Variants in LMNB1 observed in about 807,000 individuals in gnomAD.
LMNB1 encodes the protein lamin B1, also known as lamin-B1.
A neutral mutation model predicts 67.1 loss-of-function variants in LMNB1; 23 were observed. The ratio of observed to expected loss-of-function variants is 0.34; its 90% confidence interval spans 0.25 to 0.49. The LOEUF (loss-of-function observed/expected upper bound fraction) is 0.49. Among genes scored for constraint, LMNB1 ranks in the 20% least tolerant of loss-of-function variants. LMNB1 has a pLI of 0.99. For synonymous variants in LMNB1, 281 were observed against 282.9 expected, an observed-to-expected ratio of 0.99 and a Z score of 0.07; for missense variants, 634 against 746.5, an observed-to-expected ratio of 0.85 and a Z score of 1.76.
intron 1 of LMNB1, among the ~76,000 whole-genome samples, chr5:126,796,786 C>CTTTTTTTTTT (rs34534973): frequency 7.6e-5 from 9 of 118,744 alleles, no homozygotes; most frequent in Non-Finnish European, 1.2e-4. Context: ...TTTTTTCTTT[C>CTTTTTTTTTT]TTTTTTTTTT....
intron 5 of LMNB1, among the ~76,000 whole-genome samples, chr5:126,817,196 A>G (rs1373021959): frequency 6.6e-6 from 1 of 152,216 alleles, no homozygotes; most frequent in African/African-American, 2.4e-5. Context: ...ATATTTGGCC[A>G]CTGGGAGTTC....
chr5:126,819,288 T>A, intron 6 of LMNB1, 146 bp downstream of exon 6: 1 of 583,600 alleles, frequency 1.7e-6, no homozygotes, highest in Non-Finnish European at 3.0e-6. Context: ...TAGTAATAGA[T>A]CATATTTCTA....
At chr5:126,779,446 C>T (rs1444690210) in intron 1 of LMNB1, among the ~76,000 whole-genome samples, 1 of 152,142 alleles carries the variant, frequency 6.6e-6, no homozygotes, top group African/African-American at 2.4e-5. Flanking sequence ...TTTCTATGTT[C>T]CTCCAAATTT....
intron 2 of LMNB1, among the ~76,000 whole-genome samples, chr5:126,805,266 A>G (rs1751388257): frequency 2.0e-5 from 3 of 152,222 alleles, no homozygotes; most frequent in African/African-American, 7.2e-5. Context: ...CTCTCCACAC[A>G]GGAAAAAATG....
chr5:126,816,349 G>A (rs865829095), intron 5 of LMNB1, among the ~76,000 whole-genome samples: 4 of 152,076 alleles, frequency 2.6e-5, no homozygotes, highest in South Asian at 4.2e-4. Context: ...TTGTGTGTGC[G>A]TGTGAACCAG....
chr5:126,777,447 C>T lies in LMNB1; in HGVS notation c.-62C>T, dbSNP rs1426241876. The T allele has an allele frequency of 3.9e-6, 5 of 1,268,564 alleles. No individual in the cohort carries two copies. The highest frequency in any genetic ancestry group is 4.0e-6 in the Non-Finnish European group (4 of 1,010,332). The allele number at this position is 1,268,564 out of a possible 1,614,324, so 78.6% of individuals were successfully genotyped here. A position where few individuals can be genotyped will look rare whatever the true frequency, so the allele number is the denominator to read the frequency against. On this transcript the variant is annotated 5_prime_UTR_variant, in exon 1 of 11. Coordinates refer to ENST00000261366, the MANE Select transcript of LMNB1 (RefSeq NM_005573.4). ...CTTCGGTCCCCGCTTCGCCCCCTGC[C>T]GTCCCCTCCTTATCACGGTCCCGCT...
At chr5:126,813,608 G>A (rs1490080649) in intron 5 of LMNB1, among the ~76,000 whole-genome samples, 4 of 152,174 alleles carry the variant, frequency 2.6e-5, no homozygotes, top group African/African-American at 7.2e-5. Flanking sequence ...AGGCTGGGAA[G>A]TCCAAGATCA....
At chr5:126,783,725 T>C (rs1264840546) in intron 1 of LMNB1, among the ~76,000 whole-genome samples, 3 of 152,170 alleles carry the variant, frequency 2.0e-5, no homozygotes, top group African/African-American at 7.2e-5. Context: ...GTGGGTCTTT[T>C]CTTTTTTGTG....
chr5:126,777,716 G>A lies in LMNB1; in HGVS notation c.208G>A (p.Val70Met), dbSNP rs1190045915. 13 of 1,543,416 alleles carry A rather than the reference G, an allele frequency of 8.4e-6. No individual in the cohort carries two copies. The highest frequency in any genetic ancestry group is 1.1e-5 in the Non-Finnish European group (13 of 1,144,072). ...LQLQVTEREE[V>M]RGRELTGLKA... is the part of the protein sequence containing the mutation. ...GCTGCAGGTGACGGAGCGCGAGGAG[G>A]TGCGCGGCCGTGAGCTCACCGGCCT... The change falls in exon 1 of 11, where the codon GTG becomes ATG. Residue 70 changes from valine (V) to methionine (M), a missense_variant. Coordinates refer to ENST00000261366, the MANE Select transcript of LMNB1 (RefSeq NM_005573.4).
intron 1 of LMNB1, among the ~76,000 whole-genome samples, chr5:126,785,353 A>G (rs1750749739): frequency 6.7e-6 from 1 of 149,518 alleles, no homozygotes. Flanking sequence ...GTGCAGTGGC[A>G]CGATCTCAGC....
chr5:126,812,620 C>T (rs371747497), intron 5 of LMNB1, among the ~76,000 whole-genome samples: 13 of 151,872 alleles, frequency 8.6e-5, no homozygotes, highest in Non-Finnish European at 1.6e-4. Flanking sequence ...GCAATTAACT[C>T]GTCACCTTAA....
chr5:126,793,990 A>G (rs1289727594), intron 1 of LMNB1, among the ~76,000 whole-genome samples: 1 of 151,874 alleles, frequency 6.6e-6, no homozygotes, highest in Non-Finnish European at 1.5e-5. Flanking sequence ...GCTGGAGTGC[A>G]ATGGAGTGAT....
intron 1 of LMNB1, among the ~76,000 whole-genome samples, chr5:126,786,850 T>TA (rs773369431): frequency 6.6e-6 from 1 of 152,244 alleles, no homozygotes; most frequent in Admixed American, 6.5e-5. Flanking sequence ...ACTGAGGGCT[T>TA]CATTTGCTAA....
chr5:126,808,388 C>T (rs1751504409), intron 3 of LMNB1, among the ~76,000 whole-genome samples: 1 of 151,220 alleles, frequency 6.6e-6, no homozygotes, highest in Non-Finnish European at 1.5e-5. Flanking sequence ...TAAGTAATAC[C>T]ATGTTGGCCA....
At chr5:126,786,112 C>T (rs1481814003) in intron 1 of LMNB1, among the ~76,000 whole-genome samples, 5 of 106,662 alleles carry the variant, frequency 4.7e-5, no homozygotes, top group African/African-American at 6.9e-5. Context: ...CAGACATTAT[C>T]TTTTTTTTTT....
At position 126,818,948 on chromosome 5, in the gene LMNB1, A is replaced by G; in HGVS notation, c.966A>G (p.Gln322=). The stretch of plus-strand genomic sequence containing the variant: ...CTAGAGCATGTTTGGAAAGGATTCA[A>G]GAATTAGAGGACTTGCTTGCTAAAG... The part of the protein sequence containing the change: ...KESRACLERI[Q]ELEDLLAKEK... The change falls in exon 6 of 11, where the codon CAA becomes CAG. Residue 322 remains glutamine, a synonymous_variant. Transcript: ENST00000261366. 1.1e-5 allele frequency: 17 copies of G among 1,614,046 alleles called. No homozygotes were observed. The highest frequency in any genetic ancestry group is 1.4e-5 in the Non-Finnish European group (17 of 1,179,876).
intron 1 of LMNB1, among the ~76,000 whole-genome samples, chr5:126,798,229 G>A (rs2112944869): frequency 6.6e-6 from 1 of 152,242 alleles, no homozygotes; most frequent in South Asian, 2.1e-4. Flanking sequence ...AAGGCGGTTG[G>A]ATCACGAGGT....
At chr5:126,814,379 T>TACC (rs1751654587) in intron 5 of LMNB1, among the ~76,000 whole-genome samples, 1 of 152,246 alleles carries the variant, frequency 6.6e-6, no homozygotes, top group Non-Finnish European at 1.5e-5. Context: ...CCATTTGATT[T>TACC]ACTTAGTACA....
intron 1 of LMNB1, among the ~76,000 whole-genome samples, chr5:126,780,156 A>G (rs928174107): frequency 6.6e-6 from 1 of 152,032 alleles, no homozygotes; most frequent in Non-Finnish European, 1.5e-5. Flanking sequence ...GGTCCACTGC[A>G]CTCCAGCCTG....
Sources: allele counts gnomAD v4.1 joint callset (sites outside exome capture counted in the v4.1 genomes callset), GRCh38; gene constraint gnomAD v4.1.1; transcripts MANE v1.5; gene names NCBI Gene and HGNC (gene_info 2026-07-23, HGNC 2026-07-21).